The following MSI2 variants were observed in gnomAD, a reference collection of about 807,000 sequenced individuals.
MSI2 encodes the protein RNA-binding protein Musashi homolog 2.
MSI2 carries 17 observed loss-of-function variants against 45.6 expected under a neutral mutation model. The ratio of observed to expected loss-of-function variants is 0.37; its 90% CI spans 0.26 to 0.56. MSI2 has a LOEUF of 0.56. Ranked by LOEUF, MSI2 falls within the 20% of genes least tolerant of loss-of-function variation. The pLI is 0.77. For missense variants in MSI2, 293 were observed against 444.2 expected, an observed-to-expected ratio of 0.66 and a Z score of 3.06; for synonymous variants, 156 against 158.2, an observed-to-expected ratio of 0.99 and a Z score of 0.11.
In MSI2 at chr17:57,575,944, C is replaced by CAAAAAAAA. The variant is rs34036311; in HGVS notation, c.455-20904_455-20897dup. On this transcript the variant is annotated intron_variant, in intron 7 of 13. Coordinates refer to ENST00000284073, the MANE Select transcript of MSI2 (RefSeq NM_138962.4). Reference sequence around the variant, plus strand: ...TGGGCGACAGAGCGAGACTCCGTCTCAAAAAAAAAAAAAAAAAAAAAAAAA... The same window carrying CAAAAAAAA: ...TGGGCGACAGAGCGAGACTCCGTCTCAAAAAAAAAAAAAAAAAAAAAAAAAAAAAAAAA... Among the ~76,000 whole-genome samples, 37 of 64,332 alleles carry CAAAAAAAA rather than the reference C, an allele frequency of 5.8e-4. 2 individuals are homozygous for CAAAAAAAA. Among genetic ancestry groups the CAAAAAAAA allele is most frequent in the Non-Finnish European group, 1.0e-3 (31 of 29,616 alleles). 42.2% of individuals were successfully genotyped at this position (64,332 alleles called of 152,430 possible). A position where few individuals can be genotyped will look rare whatever the true frequency, so the allele number is the denominator to read the frequency against.
intron 5 of MSI2, among the ~76,000 whole-genome samples, chr17:57,327,336 G>A (rs932828328): frequency 6.6e-6 from 1 of 152,180 alleles, no homozygotes; most frequent in Non-Finnish European, 1.5e-5. Context: ...TGACTCATCT[G>A]AGGTCACACA....
At chr17:57,321,019 C>T (rs1263311021) in intron 5 of MSI2, among the ~76,000 whole-genome samples, 13 of 151,800 alleles carry the variant, frequency 8.6e-5, no homozygotes, top group African/African-American at 2.9e-4. Context: ...TTCTGTACCA[C>T]TCACCTGGAG....
intron 5 of MSI2, among the ~76,000 whole-genome samples, chr17:57,379,893 T>C (rs992047675): frequency 1.3e-5 from 2 of 152,224 alleles, no homozygotes; most frequent in Non-Finnish European, 2.9e-5. Flanking sequence ...AACTTCTCTT[T>C]GTTTTTTGGC....
At chr17:57,625,117 C>T (rs866963899) in intron 9 of MSI2, among the ~76,000 whole-genome samples, 1 of 152,132 alleles carries the variant, frequency 6.6e-6, no homozygotes, top group Non-Finnish European at 1.5e-5. Context: ...CTCATGGCCT[C>T]ATCACACCCC....
At chr17:57,477,869 G>A (rs1403020474) in intron 6 of MSI2, among the ~76,000 whole-genome samples, 1 of 152,196 alleles carries the variant, frequency 6.6e-6, no homozygotes, top group Admixed American at 6.5e-5. Context: ...AGTCATGAGT[G>A]GAAGGCATTT....
chr17:57,367,217 A>G (rs1469587108), intron 5 of MSI2, among the ~76,000 whole-genome samples: 3 of 152,120 alleles, frequency 2.0e-5, no homozygotes, highest in African/African-American at 7.2e-5. Flanking sequence ...ACGAAGCTAC[A>G]CTGAGGGGAA....
In MSI2 at chr17:57,529,411, G is replaced by A. The variant is rs1478199679; in HGVS notation, c.406-265G>A. 6.6e-6 allele frequency among the ~76,000 whole-genome samples: 1 copy of A among 152,196 alleles called. No individual in the cohort carries two copies. Among genetic ancestry groups the A allele is most frequent in the Admixed American group, 6.5e-5 (1 of 15,280 alleles). On this transcript the variant is annotated intron_variant, in intron 6 of 13. Transcript: ENST00000284073. This position sits in a 1 kb window ranked among gnomAD's most constrained non-coding sequence, Gnocchi z 5.3. The stretch of plus-strand genomic sequence containing the variant: ...TGATGGTGCCACTGCACTCTAGCCT[G>A]GGTGACAGAGTGAGACCCTGTCTCA...
chr17:57,533,717 C>T (rs975808881), intron 7 of MSI2, among the ~76,000 whole-genome samples: 2 of 152,192 alleles, frequency 1.3e-5, no homozygotes, highest in Non-Finnish European at 2.9e-5. Context: ...AGCTGACTTG[C>T]GATGCCCTTC....
intron 5 of MSI2, among the ~76,000 whole-genome samples, chr17:57,349,990 A>C (rs891624451): frequency 1.3e-5 from 2 of 152,340 alleles, no homozygotes; most frequent in Admixed American, 1.3e-4. Flanking sequence ...CCCTTTTGGA[A>C]AGATTAAAGC....
chr17:57,698,436 A>T, the MSI2 span, among the ~76,000 whole-genome samples: 1 of 152,114 alleles, frequency 6.6e-6, no homozygotes, highest in African/African-American at 2.4e-5. Flanking sequence ...TGTGAGGCTG[A>T]GCCTCCCTGT....
intron 5 of MSI2, chr17:57,285,828 G>A: frequency 7.0e-7 from 1 of 1,423,050 alleles, no homozygotes; most frequent in Non-Finnish European, 9.1e-7. Context: ...AGTTAGCCAA[G>A]CCTCCTACCA....
chr17:57,302,470 C>T (rs1911492973), intron 5 of MSI2, among the ~76,000 whole-genome samples: 2 of 152,142 alleles, frequency 1.3e-5, no homozygotes, highest in Admixed American at 6.5e-5. Flanking sequence ...ACTATTCTGT[C>T]GAACACTAAG....
intron 6 of MSI2, among the ~76,000 whole-genome samples, chr17:57,420,902 C>T (rs921938772): frequency 6.6e-6 from 1 of 152,238 alleles, no homozygotes; most frequent in Admixed American, 6.5e-5. Flanking sequence ...GCAGAGCGAG[C>T]ATCGCCGCTT....
chr17:57,504,157 G>A (rs2086175923), intron 6 of MSI2, among the ~76,000 whole-genome samples: 1 of 152,098 alleles, frequency 6.6e-6, no homozygotes, highest in South Asian at 2.1e-4. Context: ...GAAGGTGGCC[G>A]ATGCCAGGGC....
intron 5 of MSI2, chr17:57,278,765 T>A (rs1909131120): frequency 6.5e-6 from 1 of 152,912 alleles, no homozygotes; most frequent in African/African-American, 2.4e-5. Context: ...CATGGTGGTT[T>A]GCTGCACCTA....
At chr17:57,439,090 G>A (rs1216479823) in intron 6 of MSI2, among the ~76,000 whole-genome samples, 1 of 152,196 alleles carries the variant, frequency 6.6e-6, no homozygotes, top group Admixed American at 6.5e-5. Flanking sequence ...TTTGTTGTAT[G>A]TCTGTTGAGT....
At chr17:57,540,887 T>C (rs1004407311) in intron 7 of MSI2, among the ~76,000 whole-genome samples, 5 of 152,174 alleles carry the variant, frequency 3.3e-5, no homozygotes, top group African/African-American at 9.7e-5. Flanking sequence ...AGGAAAATAA[T>C]AGGGCAAAGC....
At chr17:57,339,264 G>C (rs1300214624) in intron 5 of MSI2, among the ~76,000 whole-genome samples, 1 of 152,118 alleles carries the variant, frequency 6.6e-6, no homozygotes, top group East Asian at 1.9e-4. Flanking sequence ...GCCTCCAGGG[G>C]GTCGGCATAT....
chr17:57,464,007 GTGTGTGTGTGTGTA>G (rs1157100879), intron 6 of MSI2, among the ~76,000 whole-genome samples: 1,327 of 129,294 alleles, frequency 0.01, 20 homozygotes, highest in African/African-American at 0.031. Context: ...GTGTGTGTGT[GTGTGTGTGTGTGTA>G]TGTGTGTGTG....
Sources: allele counts gnomAD v4.1 joint callset (sites outside exome capture counted in the v4.1 genomes callset), GRCh38; gene constraint gnomAD v4.1.1; non-coding constraint Gnocchi (gnomAD v3.1); transcripts MANE v1.5; gene names NCBI Gene and HGNC (gene_info 2026-07-23, HGNC 2026-07-21).